Variants in MRPL13 observed in about 807,000 individuals in gnomAD.
MRPL13 encodes the protein mitochondrial ribosomal protein L13.
A neutral mutation model predicts 29.0 loss-of-function variants in MRPL13; 33 were observed. The observed-to-expected ratio is 1.14, with a 90% CI of 0.86 to 1.52. MRPL13 has a LOEUF of 1.52. Among genes scored for constraint, MRPL13 ranks in the 40% most tolerant of loss-of-function variants. The pLI is 0.00. For missense variants in MRPL13, 227 were observed against 216.7 expected (o/e 1.05, Z -0.30); for synonymous variants, 77 against 68.4 (o/e 1.13, Z -0.62).
intron 6 of MRPL13, among the ~76,000 whole-genome samples, chr8:120,397,477 T>C (rs1812537895): frequency 6.6e-6 from 1 of 152,072 alleles, no homozygotes; most frequent in Non-Finnish European, 1.5e-5. Context: ...GACAAGTTCC[T>C]GGGGGGAGGG....
chr8:120,409,392 T>G lies in MRPL13; in HGVS notation c.515+4599A>C, dbSNP rs542208576. ...TTTGTAGACTACATTTTGAAACATT[T>G]CCCTTACAATGAGCATGATTAATTT... On this transcript the variant is annotated intron_variant, in intron 6 of 6. Transcript: ENST00000306185. Among the ~76,000 whole-genome samples the G allele has an allele frequency of 3.4e-3, 517 of 152,312 alleles. 3 individuals carry two copies. Among genetic ancestry groups the G allele is most frequent in the African/African-American group, 0.011 (473 of 41,574 alleles).
chr8:120,420,768 C>A (rs1213009505), intron 4 of MRPL13, among the ~76,000 whole-genome samples: 1 of 151,702 alleles, frequency 6.6e-6, no homozygotes, highest in Non-Finnish European at 1.5e-5. Context: ...GTAATTATAT[C>A]CTCTGAATAT....
chr8:120,443,408 T>C (rs981897341), intron 1 of MRPL13, 100 bp from the exon 2 acceptor site: 5 of 1,087,674 alleles, frequency 4.6e-6, no homozygotes, highest in Non-Finnish European at 2.4e-6. Flanking sequence ...TATCATCACG[T>C]TTCTACAATT....
intron 3 of MRPL13, 71 bp downstream of exon 3, chr8:120,431,955 TTAAG>T (rs1563776470): frequency 2.9e-6 from 3 of 1,043,984 alleles, no homozygotes; most frequent in Non-Finnish European, 4.1e-6. Flanking sequence ...CTTTTTTCTT[TTAAG>T]TAAGAACAAC....
At chr8:120,422,189 T>C (rs891372910) in intron 4 of MRPL13, among the ~76,000 whole-genome samples, 3 of 151,826 alleles carry the variant, frequency 2.0e-5, no homozygotes, top group Non-Finnish European at 4.4e-5. Flanking sequence ...TAGGCAGTAT[T>C]ATACCAAACA....
In MRPL13 at chr8:120,445,124, T is replaced by C. The variant is rs1563779793; in HGVS notation, c.-30A>G. The C allele has an allele frequency of 1.2e-6, 2 of 1,613,602 alleles. No individual in the cohort carries two copies. The highest frequency in any genetic ancestry group is 2.2e-5 in the South Asian group (2 of 91,040). On this transcript the variant is annotated 5_prime_UTR_variant, in exon 1 of 7. Transcript: ENST00000306185. ...CTCTACTAGCAGGACCGTACGTCCT[T>C]CTCCTAGTAGCCACGCCGGGTCACT...
rs1813188821 is a variant in MRPL13, at chr8:120,445,050, A to G, written c.27+18T>C. The stretch of plus-strand genomic sequence containing the variant: ...CCAGTATAATGAACCCCATCAAGCC[A>G]TAAGAGTCCGAGCTCACCTGGGGCG... On this transcript the variant is annotated intron_variant, in intron 1 of 6. Coordinates refer to ENST00000306185, the MANE Select transcript of MRPL13 (RefSeq NM_014078.6). 2 of 1,613,906 alleles carry G rather than the reference A, an allele frequency of 1.2e-6. No individual in the cohort carries two copies. Among genetic ancestry groups the G allele is most frequent in the Non-Finnish European group, 1.7e-6 (2 of 1,179,892 alleles).
chr8:120,426,904 T>C (rs977289362), intron 3 of MRPL13, among the ~76,000 whole-genome samples: 3 of 152,164 alleles, frequency 2.0e-5, no homozygotes, highest in Non-Finnish European at 4.4e-5. Context: ...TTAAGTTGTA[T>C]CTCTAACTCA....
intron 1 of MRPL13, 199 bp downstream of exon 1, chr8:120,444,869 A>C: frequency 1.9e-6 from 1 of 532,332 alleles, no homozygotes; most frequent in Non-Finnish European, 3.4e-6. Flanking sequence ...GCAGATTGAA[A>C]AGAAGAGGGG....
chr8:120,430,868 A>G (rs1812988850), intron 3 of MRPL13, among the ~76,000 whole-genome samples: 1 of 152,186 alleles, frequency 6.6e-6, no homozygotes, highest in South Asian at 2.1e-4. Flanking sequence ...ACTACATATT[A>G]TTGCTATAGT....
At chr8:120,404,812 C>T (rs927994842) in intron 6 of MRPL13, among the ~76,000 whole-genome samples, 2 of 152,154 alleles carry the variant, frequency 1.3e-5, no homozygotes, top group African/African-American at 4.8e-5. Context: ...AGGTAGATGG[C>T]AGGGATCTGA....
intron 2 of MRPL13, among the ~76,000 whole-genome samples, chr8:120,437,228 ATGTT>A (rs1015297763): frequency 1.3e-5 from 2 of 152,186 alleles, no homozygotes; most frequent in African/African-American, 2.4e-5. Flanking sequence ...TAAGAGAAAA[ATGTT>A]AGCTAAGCAA....
chr8:120,431,818 T>C (rs897651926), intron 3 of MRPL13, among the ~76,000 whole-genome samples: 2 of 152,146 alleles, frequency 1.3e-5, no homozygotes, highest in African/African-American at 4.8e-5. Context: ...TATGAAACAC[T>C]TGTAGGATAA....
intron 3 of MRPL13, among the ~76,000 whole-genome samples, chr8:120,426,295 C>G (rs1475013742): frequency 1.3e-5 from 2 of 151,988 alleles, no homozygotes; most frequent in African/African-American, 4.8e-5. Context: ...GTGATTTTTT[C>G]CATATGTTCC....
chr8:120,429,784 T>A (rs926289005), intron 3 of MRPL13, among the ~76,000 whole-genome samples: 14 of 152,158 alleles, frequency 9.2e-5, no homozygotes, highest in Admixed American at 2.0e-4. Context: ...ATCCCTGATA[T>A]AAAATGGCAT....
At chr8:120,402,283 G>C (rs1209688957) in intron 6 of MRPL13, among the ~76,000 whole-genome samples, 2 of 152,156 alleles carry the variant, frequency 1.3e-5, no homozygotes, top group African/African-American at 4.8e-5. Context: ...AAATCGTGTG[G>C]TACTGGTACA....
At chr8:120,396,174 C>T (rs570616392) in intron 6 of MRPL13, 49 bp from the exon 7 acceptor site, 119 of 1,371,560 alleles carry the variant, frequency 8.7e-5, no homozygotes, top group Non-Finnish European at 1.2e-4. Context: ...ATTTTGTTTT[C>T]TCCTGACTGA....
chr8:120,436,185 A>T (rs1427189596), intron 2 of MRPL13, among the ~76,000 whole-genome samples: 2 of 152,064 alleles, frequency 1.3e-5, no homozygotes, highest in Non-Finnish European at 2.9e-5. Context: ...TTTCTCTGGG[A>T]TAATGTCCAA....
intron 3 of MRPL13, among the ~76,000 whole-genome samples, chr8:120,427,922 T>G (rs917342621): frequency 1.3e-5 from 2 of 152,054 alleles, no homozygotes; most frequent in Admixed American, 6.6e-5. Flanking sequence ...CAAAGCAATT[T>G]ATAGATTCAA....
Sources: allele counts gnomAD v4.1 joint callset (sites outside exome capture counted in the v4.1 genomes callset), GRCh38; gene constraint gnomAD v4.1.1; transcripts MANE v1.5; gene names NCBI Gene and HGNC (gene_info 2026-07-23, HGNC 2026-07-21).